SKAP2: variants seen among roughly 807,000 people sequenced by gnomAD.
SKAP2 encodes the protein src kinase associated phosphoprotein 2.
In SKAP2, 28 loss-of-function variants were observed where a neutral mutation model predicts 54.9. The ratio of observed to expected loss-of-function variants is 0.51; its 90% confidence interval spans 0.38 to 0.70. The LOEUF (loss-of-function observed/expected upper bound fraction) is 0.70. SKAP2 is among the 30% of genes least tolerant of loss of function. SKAP2 has a pLI of 0.00. For synonymous variants in SKAP2, 137 were observed against 134.3 expected, an observed-to-expected ratio of 1.02 and a Z score of -0.14; for missense variants, 356 against 424.1, an observed-to-expected ratio of 0.84 and a Z score of 1.41.
chr7:26,784,039 A>G (rs879531361), intron 4 of SKAP2, among the ~76,000 whole-genome samples: 8 of 151,816 alleles, frequency 5.3e-5, no homozygotes, highest in Non-Finnish European at 1.2e-4. Context: ...TAAAATAGTC[A>G]GCTGCCACAA....
intron 11 of SKAP2, among the ~76,000 whole-genome samples, chr7:26,681,444 A>AAAAC (rs201466806): frequency 6.6e-6 from 1 of 152,364 alleles, no homozygotes. Flanking sequence ...ACTCCATCTC[A>AAAAC]AAACAAACAA....
intron 11 of SKAP2, among the ~76,000 whole-genome samples, chr7:26,676,855 T>C (rs1334089654): frequency 6.6e-6 from 1 of 152,106 alleles, no homozygotes; most frequent in Non-Finnish European, 1.5e-5. Flanking sequence ...ACATAGAAAG[T>C]GACAGCTGGG....
intron 4 of SKAP2, among the ~76,000 whole-genome samples, chr7:26,747,069 G>A (rs961375369): frequency 5.9e-5 from 9 of 152,134 alleles, no homozygotes; most frequent in African/African-American, 2.2e-4. Context: ...GCAAAAGGAA[G>A]ATATTATATA....
At chr7:26,848,033 A>G (rs1562634543) in intron 3 of SKAP2, 1 of 152,220 alleles carries the variant, frequency 6.6e-6, no homozygotes, top group African/African-American at 2.4e-5. Context: ...ATTGCAACAA[A>G]CTCAAGGTTT....
chr7:26,749,062 A>G (rs903174529), intron 4 of SKAP2, among the ~76,000 whole-genome samples: 2 of 152,196 alleles, frequency 1.3e-5, no homozygotes, highest in African/African-American at 4.8e-5. Context: ...TAGTATTTTT[A>G]AAAGGCAACT....
intron 4 of SKAP2, among the ~76,000 whole-genome samples, chr7:26,827,403 A>G (rs1408100414): frequency 6.6e-6 from 1 of 152,214 alleles, no homozygotes; most frequent in Non-Finnish European, 1.5e-5. Flanking sequence ...ATACAAAAAT[A>G]TAATTAATAT....
chr7:26,759,710 T>C (rs747057815), intron 4 of SKAP2, among the ~76,000 whole-genome samples: 1 of 152,244 alleles, frequency 6.6e-6, no homozygotes, highest in African/African-American at 2.4e-5. Context: ...CCTTGGGAAA[T>C]AGATCACTAT....
At chr7:26,862,643 GT>G (rs1785293559) in intron 1 of SKAP2, among the ~76,000 whole-genome samples, 1 of 151,986 alleles carries the variant, frequency 6.6e-6, no homozygotes, top group African/African-American at 2.4e-5. Context: ...GTAATTTTGA[GT>G]TTTTAGTTAA....
chr7:26,842,891 ACCCT>A (rs1483965477), intron 4 of SKAP2, among the ~76,000 whole-genome samples: 1 of 150,372 alleles, frequency 6.7e-6, no homozygotes, highest in East Asian at 1.9e-4. Context: ...GCAAAAAAAA[ACCCT>A]CCCTTTAAAA....
chr7:26,709,977 T>C (rs910372632), intron 9 of SKAP2, among the ~76,000 whole-genome samples: 2 of 152,176 alleles, frequency 1.3e-5, no homozygotes, highest in African/African-American at 4.8e-5. Flanking sequence ...AATGAAGTTA[T>C]GGGGGATCAG....
chr7:26,709,920 T>G (rs1787261405), intron 9 of SKAP2, among the ~76,000 whole-genome samples: 1 of 152,218 alleles, frequency 6.6e-6, no homozygotes, highest in Non-Finnish European at 1.5e-5. Flanking sequence ...TTACATTTCC[T>G]AAGTTTATTT....
chr7:26,802,555 G>A (rs1273720091), intron 4 of SKAP2, among the ~76,000 whole-genome samples: 1 of 152,138 alleles, frequency 6.6e-6, no homozygotes, highest in Non-Finnish European at 1.5e-5. Context: ...ATAGGCATGA[G>A]CCACCACACC....
chr7:26,724,981 T>C (rs1213755161), intron 9 of SKAP2, among the ~76,000 whole-genome samples: 1 of 152,046 alleles, frequency 6.6e-6, no homozygotes, highest in African/African-American at 2.4e-5. Flanking sequence ...TGCAATATAC[T>C]ACAAGCAAGG....
intron 4 of SKAP2, among the ~76,000 whole-genome samples, chr7:26,842,015 A>C (rs1210264251): frequency 6.6e-6 from 1 of 151,974 alleles, no homozygotes; most frequent in African/African-American, 2.4e-5. Context: ...AAGAGAACAC[A>C]CACAAAATCT....
intron 4 of SKAP2, among the ~76,000 whole-genome samples, chr7:26,781,982 T>C (rs1195403499): frequency 6.6e-6 from 1 of 152,200 alleles, no homozygotes; most frequent in Admixed American, 6.5e-5. Flanking sequence ...CTCTCCTTTA[T>C]AGGATGAGCT....
rs573241072 is a variant in SKAP2, at chr7:26,788,421, T to C, written c.308-48457A>G. ...AGAGAAATCAGAAAGCACTTAGCAT[T>C]CTGAAGGAAAAAAAAAACTAGTATA... On this transcript the variant is annotated intron_variant, in intron 4 of 12. Transcript: ENST00000345317. Among the ~76,000 whole-genome samples, 17 of 152,040 alleles carry C rather than the reference T, an allele frequency of 1.1e-4. No homozygotes were observed. In the South Asian group the frequency reaches 3.5e-3, roughly 32 times the overall value.
At chr7:26,803,312 C>T (rs1287030391) in intron 4 of SKAP2, among the ~76,000 whole-genome samples, 2 of 152,136 alleles carry the variant, frequency 1.3e-5, no homozygotes, top group African/African-American at 4.8e-5. Context: ...TAGGCAAAAC[C>T]TTTGAACAGA....
At chr7:26,722,069 C>G (rs1299745145) in intron 9 of SKAP2, among the ~76,000 whole-genome samples, 1 of 152,086 alleles carries the variant, frequency 6.6e-6, no homozygotes, top group East Asian at 1.9e-4. Flanking sequence ...CCTGACTGGC[C>G]TATGCTAATA....
intron 6 of SKAP2, among the ~76,000 whole-genome samples, chr7:26,733,549 C>T (rs1274183274): frequency 6.6e-6 from 1 of 151,910 alleles, no homozygotes; most frequent in Non-Finnish European, 1.5e-5. Flanking sequence ...AAATATGATG[C>T]TTTTTCAACA....
Sources: allele counts gnomAD v4.1 joint callset (sites outside exome capture counted in the v4.1 genomes callset), GRCh38; gene constraint gnomAD v4.1.1; transcripts MANE v1.5; gene names NCBI Gene and HGNC (gene_info 2026-07-23, HGNC 2026-07-21).